Variants in HDLBP observed in about 807,000 individuals in gnomAD.
HDLBP encodes high density lipoprotein binding protein.
A neutral mutation model predicts 137.3 loss-of-function variants in HDLBP; 30 were observed. The ratio of observed to expected loss-of-function variants is 0.22; its 90% CI spans 0.16 to 0.30. The LOEUF (loss-of-function observed/expected upper bound fraction) is 0.30. Among genes scored for constraint, HDLBP ranks in the 10% least tolerant of loss-of-function variants. HDLBP has a pLI of 1.00. For missense variants in HDLBP, 1,119 were observed against 1,667.3 expected (o/e 0.67, Z 5.73); for synonymous variants, 606 against 596.0 (o/e 1.02, Z -0.24).
chr2:241,255,185 GT>G (rs1269079749), intron 8 of HDLBP, 27 bp from the exon 9 acceptor site: 1 of 1,597,882 alleles, frequency 6.3e-7, no homozygotes, highest in Non-Finnish European at 8.6e-7. Flanking sequence ...ACAGCCATGG[GT>G]TTGCAGAGCT....
At position 241,234,643 on chromosome 2, in the gene HDLBP, T is replaced by C. The variant is rs375615723; in HGVS notation, c.3144+478A>G. 4.6e-5 allele frequency among the ~76,000 whole-genome samples: 7 copies of C among 152,338 alleles called. No homozygotes were observed. In the East Asian group the frequency reaches 9.6e-4, roughly 21 times the overall value. ...TCCAAATGTCAGCCCTGCCAGAGGC[T>C]GGGCGTCTGCAGCGCTCCGCTCATA... On this transcript the variant is annotated intron_variant, in intron 23 of 27. Coordinates refer to ENST00000310931, the MANE Select transcript of HDLBP (RefSeq NM_005336.6).
intron 13 of HDLBP, 39 bp downstream of exon 13, chr2:241,248,205 A>G (rs1305073775): frequency 1.5e-5 from 24 of 1,563,004 alleles, no homozygotes; most frequent in Non-Finnish European, 2.1e-5. Context: ...GACTTGGATC[A>G]CTCCTATAGA....
At chr2:241,295,050 C>T (rs531489198) in intron 1 of HDLBP, among the ~76,000 whole-genome samples, 10 of 152,106 alleles carry the variant, frequency 6.6e-5, no homozygotes, top group South Asian at 6.2e-4. Context: ...TGCAGTGAGC[C>T]GAGATTGCAC....
intron 5 of HDLBP, 39 bp downstream of exon 5, chr2:241,262,672 A>T: frequency 6.8e-7 from 1 of 1,470,638 alleles, no homozygotes; most frequent in Non-Finnish European, 9.5e-7. Flanking sequence ...TGGAACGGGT[A>T]CACAGTCACT....
intron 5 of HDLBP, among the ~76,000 whole-genome samples, chr2:241,260,729 A>C (rs1180977110): frequency 1.3e-5 from 2 of 152,212 alleles, no homozygotes; most frequent in African/African-American, 4.8e-5. Context: ...AAAGCAGAAC[A>C]ACCAGCTATC....
chr2:241,258,687 C>A (rs890787703), intron 5 of HDLBP, among the ~76,000 whole-genome samples: 1 of 152,048 alleles, frequency 6.6e-6, no homozygotes, highest in African/African-American at 2.4e-5. Flanking sequence ...TTTCTTATGA[C>A]CTGATAGTGA....
chr2:241,230,300 G>A lies in HDLBP; in HGVS notation c.3475-31C>T, dbSNP rs1421782760. 3.8e-6 allele frequency: 5 copies of A among 1,305,696 alleles called. No homozygotes were observed. Among genetic ancestry groups the A allele is most frequent in the African/African-American group, 1.5e-5 (1 of 67,534 alleles). The allele number at this position is 1,305,696 out of a possible 1,614,324, so 80.9% of individuals were successfully genotyped here. A position where few individuals can be genotyped will look rare whatever the true frequency, so the allele number is the denominator to read the frequency against. On this transcript the variant is annotated intron_variant, in intron 25 of 27. Transcript: ENST00000310931. The surrounding 1 kb of genome is among the most constrained non-coding windows in gnomAD (Gnocchi z 5.0). Reference sequence around the variant, plus strand: ...AGGGGTGTACAACGTCAGATGAGGGGACTCCAAGCGAGGAAAAGGGTTAAA... The same window carrying A: ...AGGGGTGTACAACGTCAGATGAGGGAACTCCAAGCGAGGAAAAGGGTTAAA...
chr2:241,301,143 ATTT>A (rs77756952), intron 1 of HDLBP, among the ~76,000 whole-genome samples: 1 of 138,242 alleles, frequency 7.2e-6, no homozygotes. Flanking sequence ...GGCCCGGCTA[ATTT>A]TTTTTTTTTT....
intron 11 of HDLBP, chr2:241,250,188 G>C (rs752904639): frequency 2.6e-5 from 12 of 469,882 alleles, no homozygotes; most frequent in East Asian, 7.2e-5. Context: ...GGGTTCTGGA[G>C]GACAGGCTCT....
chr2:241,254,221 G>A (rs1004647498), intron 9 of HDLBP, among the ~76,000 whole-genome samples: 11 of 152,006 alleles, frequency 7.2e-5, no homozygotes, highest in African/African-American at 2.2e-4. Context: ...CTATGACTGC[G>A]CTACTGCACC....
At chr2:241,235,623 G>A (rs775471513) in intron 21 of HDLBP, 29 bp from the exon 22 acceptor site, 11 of 1,519,506 alleles carry the variant, frequency 7.2e-6, no homozygotes, top group Middle Eastern at 1.7e-4. Context: ...TGGTTAGGCC[G>A]TGGGAGCTGA....
chr2:241,282,148 G>A (rs939415834), intron 1 of HDLBP, among the ~76,000 whole-genome samples: 1 of 152,210 alleles, frequency 6.6e-6, no homozygotes, highest in Non-Finnish European at 1.5e-5. Context: ...GGGGAAAAGA[G>A]GAGCACGTTA....
chr2:241,239,871 CAG>C lies in HDLBP; in HGVS notation c.2391+28_2391+29del. On this transcript the variant is annotated intron_variant, in intron 18 of 27. Coordinates refer to ENST00000310931, the MANE Select transcript of HDLBP (RefSeq NM_005336.6). This position sits in a 1 kb window ranked among gnomAD's most constrained non-coding sequence, Gnocchi z 4.6. ...ATAAGCCACCCCATCACGGCCCCAG[CAG>C]AGTCGGCCGCCGAGGCCCGCTCCCT... 1.2e-6 allele frequency: 2 copies of C among 1,612,702 alleles called. No individual in the cohort carries two copies. Among genetic ancestry groups the C allele is most frequent in the Non-Finnish European group, 8.5e-7 (1 of 1,178,850 alleles).
chr2:241,240,200 G>C lies in HDLBP; in HGVS notation c.2170-78C>G. On this transcript the variant is annotated intron_variant, in intron 17 of 27. Transcript: ENST00000310931. The surrounding 1 kb of genome is among the most constrained non-coding windows in gnomAD (Gnocchi z 5.5). ...GTGAGGAAGACAAGAGGGTCTGTAG[G>C]ACAGCAAGCTCGGGCTCCCCTTACA... 1 of 1,402,446 alleles carries C rather than the reference G, an allele frequency of 7.1e-7. No individual in the cohort carries two copies. The highest frequency in any genetic ancestry group is 1.2e-5 in the South Asian group (1 of 86,640). 86.9% of individuals were successfully genotyped at this position (1,402,446 alleles called of 1,614,324 possible).
chr2:241,284,956 C>T (rs920439345), intron 1 of HDLBP, among the ~76,000 whole-genome samples: 1 of 152,258 alleles, frequency 6.6e-6, no homozygotes, highest in Non-Finnish European at 1.5e-5. Context: ...TCTTGGCTTA[C>T]TGCAACCTCC....
At chr2:241,294,636 C>T (rs1218083681) in intron 1 of HDLBP, among the ~76,000 whole-genome samples, 2 of 151,946 alleles carry the variant, frequency 1.3e-5, no homozygotes, top group Non-Finnish European at 1.5e-5. Context: ...ATTTTTTCTC[C>T]AAGAGACAGG....
chr2:241,304,933 T>C (rs1424939937), intron 1 of HDLBP, among the ~76,000 whole-genome samples: 1 of 152,250 alleles, frequency 6.6e-6, no homozygotes, highest in African/African-American at 2.4e-5. Context: ...TCTCTTCTCC[T>C]ATAAAAAGTT....
At chr2:241,264,681 GC>G in intron 3 of HDLBP, 76 bp from the exon 4 acceptor site, 1 of 1,384,126 alleles carries the variant, frequency 7.2e-7, no homozygotes, top group Non-Finnish European at 1.0e-6. Flanking sequence ...GGGTTTTAGT[GC>G]TTAAAAACAG....
chr2:241,274,275 T>C (rs2074308454), intron 1 of HDLBP, among the ~76,000 whole-genome samples: 1 of 152,012 alleles, frequency 6.6e-6, no homozygotes, highest in African/African-American at 2.4e-5. Context: ...GGGAGCAGAA[T>C]CACAGAAGGC....
Sources: allele counts gnomAD v4.1 joint callset (sites outside exome capture counted in the v4.1 genomes callset), GRCh38; gene constraint gnomAD v4.1.1; non-coding constraint Gnocchi (gnomAD v3.1); transcripts MANE v1.5; gene names NCBI Gene and HGNC (gene_info 2026-07-23, HGNC 2026-07-21).